CYB5D2: variants seen among roughly 807,000 people sequenced by gnomAD.
CYB5D2 encodes neuferricin.
CYB5D2 carries 23 observed loss-of-function variants against 22.8 expected under a neutral mutation model. The ratio of observed to expected loss-of-function variants is 1.01; its 90% CI spans 0.73 to 1.43. The LOEUF is 1.43. Among genes scored for constraint, CYB5D2 ranks in the 40% most tolerant of loss-of-function variants. The probability of loss-of-function intolerance (pLI) is 0.00; values close to 1 mark genes in which losing one functional copy is unlikely to be tolerated. For synonymous variants in CYB5D2, 170 were observed against 152.2 expected (o/e 1.12, Z -0.86); for missense variants, 373 against 357.2 (o/e 1.04, Z -0.36).
At chr17:4,144,850 G>GCA (rs2058966032) in intron 1 of CYB5D2, among the ~76,000 whole-genome samples, 1 of 152,022 alleles carries the variant, frequency 6.6e-6, no homozygotes, top group Non-Finnish European at 1.5e-5. Context: ...GCAGTGGCCT[G>GCA]ATCTCGGCTC....
At chr17:4,145,647 G>C (rs1462801324) in intron 1 of CYB5D2, among the ~76,000 whole-genome samples, 1 of 152,218 alleles carries the variant, frequency 6.6e-6, no homozygotes, top group Non-Finnish European at 1.5e-5. Context: ...GTCAGGGGCT[G>C]TGGAATCCAA....
chr17:4,152,998 G>A (rs1320631529), intron 2 of CYB5D2, among the ~76,000 whole-genome samples: 6 of 152,016 alleles, frequency 3.9e-5, no homozygotes, highest in Middle Eastern at 3.2e-3. Context: ...GGCTGGTCTC[G>A]AACCCCTGAC....
chr17:4,152,572 C>T (rs2059069710), intron 2 of CYB5D2, among the ~76,000 whole-genome samples: 1 of 152,184 alleles, frequency 6.6e-6, no homozygotes, highest in African/African-American at 2.4e-5. Context: ...GTTGCCTCTG[C>T]TACTACTGTC....
chr17:4,149,739 C>T, intron 1 of CYB5D2, 152 bp from the exon 2 acceptor site: 1 of 877,716 alleles, frequency 1.1e-6, no homozygotes, highest in Non-Finnish European at 1.7e-6. Flanking sequence ...GCAGAGGTTG[C>T]AGTGAGCTGA....
chr17:4,155,701 C>G (rs761360670), intron 3 of CYB5D2, among the ~76,000 whole-genome samples: 1 of 152,174 alleles, frequency 6.6e-6, no homozygotes, highest in Non-Finnish European at 1.5e-5. Context: ...GAGCACTGGT[C>G]TCTGAGACTC....
chr17:4,144,707 C>T (rs1166032279), intron 1 of CYB5D2, among the ~76,000 whole-genome samples: 1 of 152,188 alleles, frequency 6.6e-6, no homozygotes, highest in Admixed American at 6.5e-5. Context: ...CCCTGTGTTA[C>T]AGCTGAGGGG....
chr17:4,146,892 G>A (rs2058998648), intron 1 of CYB5D2, among the ~76,000 whole-genome samples: 1 of 152,028 alleles, frequency 6.6e-6, no homozygotes, highest in African/African-American at 2.4e-5. Context: ...GTGGCCTTTT[G>A]TGTCTGGCTT....
Position 4,153,715 on chromosome 17 carries a change from G to A in CYB5D2, c.392-959G>A, listed in dbSNP as rs1368481683. On this transcript the variant is annotated intron_variant, in intron 2 of 3. Transcript: ENST00000301391. The stretch of plus-strand genomic sequence containing the variant: ...GAACAGAATCAGGATCTGTTCAGAG[G>A]TAGGACTGACGAGGTTTTCTGATGG... Among the ~76,000 whole-genome samples, 5 of 152,154 alleles carry A rather than the reference G, an allele frequency of 3.3e-5. No individual in the cohort carries two copies. In the East Asian group the frequency reaches 9.6e-4, roughly 29 times the overall value.
In CYB5D2 at chr17:4,154,839, G is replaced by A. The variant is rs140260351; in HGVS notation, c.557G>A (p.Arg186Gln). ...GAGTGGAGCTCAGCCAGGGGCAGCC[G>A]GCTCTGGTGCTCCCAGAAGAGGTAA... is the stretch of plus-strand genomic sequence containing the variant. The part of the protein sequence containing the change: ...NAEWSSARGS[R>Q]LWCSQKSGGV... The change falls in exon 3 of 4, where the codon CGG (arginine) becomes CAG (glutamine). Residue 186 changes from arginine (R) to glutamine (Q), a missense_variant. By Grantham distance (43) the Arg-to-Gln change is conservative. Coordinates refer to ENST00000301391, the MANE Select transcript of CYB5D2 (RefSeq NM_144611.4). 1.6e-5 allele frequency: 26 copies of A among 1,613,514 alleles called. No individual in the cohort carries two copies. Among genetic ancestry groups the A allele is most frequent in the South Asian group, 4.4e-5 (4 of 91,062 alleles).
intron 1 of CYB5D2, among the ~76,000 whole-genome samples, chr17:4,149,098 C>G (rs187644249): frequency 6.6e-6 from 1 of 152,140 alleles, no homozygotes; most frequent in Non-Finnish European, 1.5e-5. Flanking sequence ...TTAGCCACCA[C>G]GCCCAGCCAG....
chr17:4,152,777 A>T (rs1190637318), intron 2 of CYB5D2, among the ~76,000 whole-genome samples: 3 of 152,020 alleles, frequency 2.0e-5, no homozygotes, highest in Admixed American at 2.0e-4. Context: ...AAGCTGTTTT[A>T]TTTATTTATA....
rs142095753 is a variant in CYB5D2 at position 4,154,817 on chromosome 17, T to G, written c.535T>G (p.Trp179Gly). ...KQTFPPCNAE[W>G]SSARGSRLWC... is the part of the protein sequence containing the mutation. ...GACATTCCCGCCGTGCAACGCGGAGTGGAGCTCAGCCAGGGGCAGCCGGCT... is the reference window on the plus strand; with the variant it reads ...GACATTCCCGCCGTGCAACGCGGAGGGGAGCTCAGCCAGGGGCAGCCGGCT... Residue 179 changes from tryptophan (W) to glycine (G), a missense_variant, in exon 3 of 4, where the codon TGG (tryptophan) becomes GGG (glycine). By Grantham distance (184) the Trp-to-Gly change is radical (BLOSUM62 -2). Transcript: ENST00000301391. 1 of 1,614,118 alleles carries G rather than the reference T, an allele frequency of 6.2e-7. No individual in the cohort carries two copies. The highest frequency in any genetic ancestry group is 1.1e-5 in the South Asian group (1 of 91,078).
intron 1 of CYB5D2, among the ~76,000 whole-genome samples, chr17:4,144,939 A>G (rs980140718): frequency 2.6e-5 from 4 of 151,926 alleles, no homozygotes; most frequent in African/African-American, 9.7e-5. Flanking sequence ...GGCGCCCACC[A>G]CCACGCCCGG....
At chr17:4,144,057 C>G in intron 1 of CYB5D2, 52 bp downstream of exon 1, 1 of 1,531,192 alleles carries the variant, frequency 6.5e-7, no homozygotes, top group Admixed American at 2.1e-5. Flanking sequence ...AGCCAGTAGC[C>G]ACCTGCGCGT....
chr17:4,145,886 C>T (rs1197949239), intron 1 of CYB5D2, among the ~76,000 whole-genome samples: 4 of 152,184 alleles, frequency 2.6e-5, no homozygotes, highest in African/African-American at 4.8e-5. Flanking sequence ...GCAACCTCCG[C>T]CTCCCAAGCT....
At chr17:4,145,272 A>G (rs2058975209) in intron 1 of CYB5D2, among the ~76,000 whole-genome samples, 1 of 152,216 alleles carries the variant, frequency 6.6e-6, no homozygotes, top group Non-Finnish European at 1.5e-5. Context: ...AATACAAGCC[A>G]CTTCCCTCTG....
intron 1 of CYB5D2, among the ~76,000 whole-genome samples, chr17:4,146,612 G>C (rs945373369): frequency 1.3e-5 from 2 of 151,638 alleles, no homozygotes; most frequent in Non-Finnish European, 2.9e-5. Context: ...GGATGGTCTC[G>C]ATCTCCTGAC....
chr17:4,157,348 G>T lies in CYB5D2; in HGVS notation c.*266G>T. The T allele has an allele frequency of 1.9e-6, 1 of 533,282 alleles. No homozygotes were observed. Among genetic ancestry groups the T allele is most frequent in the Non-Finnish European group, 3.4e-6 (1 of 296,314 alleles). 33.0% of individuals were successfully genotyped at this position (533,282 alleles called of 1,614,324 possible). ...CTGGCCATCTTCCTCACAGCCCTCA[G>T]ATATCAACGGGCACAAATAAGACCA... is the stretch of plus-strand genomic sequence containing the variant. On this transcript the variant is annotated 3_prime_UTR_variant, in exon 4 of 4. Coordinates refer to ENST00000301391, the MANE Select transcript of CYB5D2 (RefSeq NM_144611.4). This position sits in a 1 kb window ranked among gnomAD's most constrained non-coding sequence, Gnocchi z 4.4.
rs2058931598 is a variant in CYB5D2 at position 4,143,801 on chromosome 17, G to C, written c.46G>C (p.Ala16Pro). 1 of 1,614,024 alleles carries C rather than the reference G, an allele frequency of 6.2e-7. No individual in the cohort carries two copies. The highest frequency in any genetic ancestry group is 1.3e-5 in the African/African-American group (1 of 74,952). ...GRGLLLGLAVAAAAVMAARLM... is the reference protein window; with the variant it reads ...GRGLLLGLAVPAAAVMAARLM... ...TGGGCTTTTGTTGGGCCTGGCTGTA[G>C]CCGCAGCAGCGGTAATGGCAGCACG... Residue 16 changes from alanine to proline, a missense_variant, in exon 1 of 4, where the codon GCC becomes CCC. Ala to Pro is a conservative substitution (Grantham distance 27, BLOSUM62 -1). Transcript: ENST00000301391.
Sources: allele counts gnomAD v4.1 joint callset (sites outside exome capture counted in the v4.1 genomes callset), GRCh38; gene constraint gnomAD v4.1.1; non-coding constraint Gnocchi (gnomAD v3.1); transcripts MANE v1.5; gene names NCBI Gene and HGNC (gene_info 2026-07-23, HGNC 2026-07-21).